CLCN6: variants seen among roughly 807,000 people sequenced by gnomAD.
The protein encoded by CLCN6 is H(+)/Cl(-) exchange transporter 6.
A neutral mutation model predicts 109.8 loss-of-function variants in CLCN6; 70 were observed. The observed-to-expected ratio is 0.64, with a 90% CI of 0.53 to 0.78. The LOEUF is 0.78. Ranked by LOEUF, CLCN6 falls within the 30% of genes least tolerant of loss-of-function variation. The pLI, the probability that CLCN6 is intolerant of heterozygous loss-of-function variation, is 0.00. For missense variants in CLCN6, 984 were observed against 1,142.3 expected, an observed-to-expected ratio of 0.86 and a Z score of 2.00; for synonymous variants, 444 against 447.8, an observed-to-expected ratio of 0.99 and a Z score of 0.11.
At chr1:11,819,656 C>T (rs190954049) in intron 5 of CLCN6, 102 bp downstream of exon 5, 37 of 927,692 alleles carry the variant, frequency 4.0e-5, no homozygotes, top group Middle Eastern at 2.2e-4. Context: ...TTAGAAGGGC[C>T]GCTTATTAGC....
At chr1:11,820,390 C>T in intron 5 of CLCN6, 2 of 716,222 alleles carry the variant, frequency 2.8e-6, no homozygotes, top group Non-Finnish European at 5.2e-6. Context: ...TGTAAATATG[C>T]AGAACAAAAC....
At chr1:11,830,824 T>G (rs961823432) in intron 13 of CLCN6, among the ~76,000 whole-genome samples, 10 of 117,564 alleles carry the variant, frequency 8.5e-5, no homozygotes, top group African/African-American at 3.7e-4. Context: ...AAACACACAT[T>G]ATATATTTCT....
chr1:11,824,644 C>G, intron 8 of CLCN6, 91 bp downstream of exon 8: 3 of 961,748 alleles, frequency 3.1e-6, no homozygotes, highest in Non-Finnish European at 4.6e-6. Flanking sequence ...ACCCTGACAT[C>G]ACATTGGAAC....
chr1:11,815,754 C>A, intron 2 of CLCN6, 92 bp from the exon 3 acceptor site: 1 of 925,900 alleles, frequency 1.1e-6, no homozygotes. Flanking sequence ...CTCTGCCCAT[C>A]CACACGTTGA....
At chr1:11,811,985 G>C (rs191451160) in intron 2 of CLCN6, among the ~76,000 whole-genome samples, 6 of 152,250 alleles carry the variant, frequency 3.9e-5, no homozygotes, top group African/African-American at 1.4e-4. Flanking sequence ...ACCGATATGT[G>C]GAGGTTGTTT....
At chr1:11,823,896 T>C (rs1224890768) in intron 7 of CLCN6, 63 bp downstream of exon 7, 9 of 1,595,938 alleles carry the variant, frequency 5.6e-6, no homozygotes, top group African/African-American at 4.0e-5. Context: ...AGAAGCATGA[T>C]GTATTTCAGT....
At position 11,823,772 on chromosome 1, in the gene CLCN6, A is replaced by G; in HGVS notation, c.519A>G (p.Gly173=). 6.2e-7 allele frequency: 1 copy of G among 1,614,252 alleles called. No individual in the cohort carries two copies. Among genetic ancestry groups the G allele is most frequent in the Non-Finnish European group, 8.5e-7 (1 of 1,180,040 alleles). The stretch of plus-strand genomic sequence containing the variant: ...ATCTGAATGGCGTAAAGGTGCCAGG[A>G]ATCGTCCGTCTCCGGACCCTGCTCT... The part of the protein sequence containing the change: ...KCYLNGVKVP[G]IVRLRTLLCK... The change falls in exon 7 of 23, where the codon GGA becomes GGG. Residue 173 remains glycine (G), a synonymous_variant. Coordinates refer to ENST00000346436, the MANE Select transcript of CLCN6 (RefSeq NM_001286.5).
intron 2 of CLCN6, among the ~76,000 whole-genome samples, chr1:11,815,054 G>T (rs2100613516): frequency 6.7e-6 from 1 of 149,072 alleles, no homozygotes; most frequent in South Asian, 2.1e-4. Flanking sequence ...AAAAAAAGTG[G>T]AAGTTGCTTT....
At position 11,842,162 on chromosome 1, in the gene CLCN6, G is replaced by A. The variant is rs533623698; in HGVS notation, c.*1939G>A. On this transcript the variant is annotated 3_prime_UTR_variant, in exon 23 of 23. Transcript: ENST00000346436. The stretch of plus-strand genomic sequence containing the variant: ...CCTTCCTGGAGCTGGCAGAGCTAAC[G>A]CCCTGCAGGAGGACCCCGGCCTCTC... 6.6e-6 allele frequency: 1 copy of A among 152,202 alleles called. No homozygotes were observed. The highest frequency in any genetic ancestry group is 1.5e-5 in the Non-Finnish European group (1 of 68,052). The allele number at this position is 152,202 out of a possible 1,614,324, so 9.4% of individuals were successfully genotyped here. A position where few individuals can be genotyped will look rare whatever the true frequency, so the allele number is the denominator to read the frequency against.
In CLCN6 at chr1:11,838,791, C is replaced by T. The variant is rs765752630; in HGVS notation, c.2529+131C>T. ...AGGGGAGAGTGTGGCCCAACACTAG[C>T]TTTGAACCCTGCTCGGCTTCCGTGC... On this transcript the variant is annotated intron_variant, in intron 22 of 22. Transcript: ENST00000346436. 3 of 1,351,438 alleles carry T rather than the reference C, an allele frequency of 2.2e-6. No homozygotes were observed. The African/African-American group carries it at 4.3e-5, about 19-fold the overall frequency. The allele number at this position is 1,351,438 out of a possible 1,614,324, so 83.7% of individuals were successfully genotyped here.
At chr1:11,818,488 T>G (rs1644701964) in intron 4 of CLCN6, among the ~76,000 whole-genome samples, 1 of 152,232 alleles carries the variant, frequency 6.6e-6, no homozygotes, top group Admixed American at 6.5e-5. Context: ...TTACTCAAGC[T>G]GAAGCAACTT....
intron 2 of CLCN6, among the ~76,000 whole-genome samples, chr1:11,812,653 A>T (rs934163738): frequency 9.2e-5 from 13 of 141,384 alleles, no homozygotes; most frequent in African/African-American, 3.4e-4. Context: ...AAAAAAAAAG[A>T]CAAAGTATGT....
chr1:11,818,858 C>A (rs1441882682), intron 4 of CLCN6, among the ~76,000 whole-genome samples: 1 of 152,096 alleles, frequency 6.6e-6, no homozygotes, highest in Non-Finnish European at 1.5e-5. Flanking sequence ...ATCTCTTAAA[C>A]CCTGGAGTTC....
At chr1:11,817,767 A>G (rs532586419) in intron 4 of CLCN6, among the ~76,000 whole-genome samples, 2 of 144,330 alleles carry the variant, frequency 1.4e-5, no homozygotes, top group Non-Finnish European at 2.9e-5. Context: ...AAATGTACAC[A>G]TGTGTTCGGT....
intron 8 of CLCN6, 21 bp from the exon 9 acceptor site, chr1:11,826,135 C>T (rs1412412484): frequency 1.9e-6 from 3 of 1,596,544 alleles, no homozygotes; most frequent in Non-Finnish European, 2.6e-6. Context: ...TCTTTAGTGG[C>T]TCTCTTTTCT....
chr1:11,831,056 C>T (rs1644878258), intron 13 of CLCN6, among the ~76,000 whole-genome samples: 1 of 151,986 alleles, frequency 6.6e-6, no homozygotes, highest in South Asian at 2.1e-4. Flanking sequence ...TGGTCTCGAA[C>T]TCCTGACCTC....
Position 11,827,105 on chromosome 1 carries a change from G to A in CLCN6, c.724G>A (p.Val242Ile), listed in dbSNP as rs1246083817. 2 of 1,613,792 alleles carry A rather than the reference G, an allele frequency of 1.2e-6. No homozygotes were observed. The highest frequency in any genetic ancestry group is 1.7e-6 in the Non-Finnish European group (2 of 1,179,902). The change falls in exon 10 of 23, where the codon GTA (valine) becomes ATA (isoleucine). Residue 242 changes from valine to isoleucine, a missense_variant. Coordinates refer to ENST00000346436, the MANE Select transcript of CLCN6 (RefSeq NM_001286.5). ...TCTCCTCAGAGACAAGAGAGACTTT[G>A]TATCAGCAGGAGCGGCTGCTGGAGT... ...FRSDRDKRDFVSAGAAAGVAA... is the reference protein window; with the variant it reads ...FRSDRDKRDFISAGAAAGVAA...
At chr1:11,808,126 C>T (rs1644545595) in intron 2 of CLCN6, among the ~76,000 whole-genome samples, 1 of 152,096 alleles carries the variant, frequency 6.6e-6, no homozygotes, top group Admixed American at 6.6e-5. Context: ...CACACAGCTT[C>T]CACAGTGATT....
chr1:11,824,667 T>A, intron 8 of CLCN6, 114 bp downstream of exon 8: 1 of 695,478 alleles, frequency 1.4e-6, no homozygotes, highest in Admixed American at 3.0e-5. Flanking sequence ...GGTGCCATTC[T>A]GGCTTCACGT....
Sources: allele counts gnomAD v4.1 joint callset (sites outside exome capture counted in the v4.1 genomes callset), GRCh38; gene constraint gnomAD v4.1.1; transcripts MANE v1.5; gene names NCBI Gene and HGNC (gene_info 2026-07-23, HGNC 2026-07-21).